The following NTRK2 variants were observed in gnomAD, a reference collection of about 807,000 sequenced individuals.
NTRK2 encodes neurotrophic receptor tyrosine kinase 2.
NTRK2 carries 13 observed loss-of-function variants against 94.5 expected under a neutral mutation model. The ratio of observed to expected loss-of-function variants is 0.14; its 90% CI spans 0.09 to 0.22. NTRK2 has a LOEUF of 0.22. Ranked by LOEUF, NTRK2 falls within the 10% of genes least tolerant of loss-of-function variation. The pLI, the probability that NTRK2 is intolerant of heterozygous loss-of-function variation, is 1.00. For synonymous variants in NTRK2, 372 were observed against 407.4 expected (o/e 0.91, Z 1.05); for missense variants, 639 against 1,071.2 (o/e 0.60, Z 5.63).
intron 18 of NTRK2, among the ~76,000 whole-genome samples, chr9:85,020,685 T>C (rs1460274361): frequency 6.6e-6 from 1 of 152,208 alleles, no homozygotes; most frequent in Non-Finnish European, 1.5e-5. Flanking sequence ...GCAAGTTCTT[T>C]AGTATTGTTC....
At chr9:84,757,149 T>C (rs942589032) in intron 12 of NTRK2, among the ~76,000 whole-genome samples, 2 of 152,216 alleles carry the variant, frequency 1.3e-5, no homozygotes, top group Middle Eastern at 3.4e-3. Flanking sequence ...TGCACCCTCT[T>C]CCTTCTTCTT....
intron 17 of NTRK2, among the ~76,000 whole-genome samples, chr9:84,981,125 G>A (rs1177688332): frequency 1.3e-5 from 2 of 152,150 alleles, no homozygotes; most frequent in African/African-American, 2.4e-5. Flanking sequence ...CTATTGCCCA[G>A]GCTAGAGTAC....
At chr9:84,874,372 T>C (rs1435932153) in intron 14 of NTRK2, 1 of 1,065,242 alleles carries the variant, frequency 9.4e-7, no homozygotes, top group Non-Finnish European at 1.1e-6. Flanking sequence ...GAAGGTTTTC[T>C]CCCTGGGAAA....
intron 14 of NTRK2, among the ~76,000 whole-genome samples, chr9:84,894,673 G>C (rs1360752993): frequency 1.3e-5 from 2 of 152,230 alleles, no homozygotes; most frequent in East Asian, 3.8e-4. Flanking sequence ...AAATCTTACT[G>C]TGAGGACTAA....
chr9:84,861,022 T>G lies in NTRK2; in HGVS notation c.1397-18T>G, dbSNP rs1385042535. The G allele has an allele frequency of 6.2e-7, 1 of 1,612,140 alleles. No individual in the cohort carries two copies. Among genetic ancestry groups the G allele is most frequent in the Non-Finnish European group, 8.5e-7 (1 of 1,178,590 alleles). ...CTTCTCTTTCGAAGTTTATTTTATG[T>G]TTTGTTGTGGTTTTCAGATTTCTCA... On this transcript the variant is annotated intron_variant, in intron 12 of 18. Coordinates refer to ENST00000277120, the MANE Select transcript of NTRK2 (RefSeq NM_006180.6).
rs559183899 is a variant in NTRK2, at chr9:84,713,135, G to A, written c.583+2344G>A. 2.6e-5 allele frequency among the ~76,000 whole-genome samples: 4 copies of A among 152,176 alleles called. No homozygotes were observed. In the East Asian group the frequency reaches 7.7e-4, roughly 29 times the overall value. On this transcript the variant is annotated intron_variant, in intron 6 of 18. Transcript: ENST00000277120. ...TAAAAACTGCTGTCATGGCTTTTGA[G>A]TTTGCATTTTCCTGATTACTATTGA...
intron 9 of NTRK2, among the ~76,000 whole-genome samples, chr9:84,729,195 CTA>C (rs1406307180): frequency 2.0e-5 from 3 of 152,170 alleles, no homozygotes; most frequent in Non-Finnish European, 4.4e-5. Context: ...TGATAAGTTC[CTA>C]TTATTTTGCT....
chr9:84,731,390 C>T (rs866920157), intron 9 of NTRK2, among the ~76,000 whole-genome samples: 3 of 152,040 alleles, frequency 2.0e-5, no homozygotes, highest in South Asian at 2.1e-4. Flanking sequence ...GAGCCATGAT[C>T]GTGCTACTGC....
intron 14 of NTRK2, chr9:84,874,156 G>C: frequency 1.9e-6 from 2 of 1,064,890 alleles, no homozygotes; most frequent in Non-Finnish European, 2.3e-6. Context: ...TTTCGGATTG[G>C]CCACTCTTGC....
intron 6 of NTRK2, among the ~76,000 whole-genome samples, chr9:84,715,448 A>G (rs548085766): frequency 6.6e-6 from 1 of 152,284 alleles, no homozygotes; most frequent in African/African-American, 2.4e-5. Context: ...ATGCCTCACA[A>G]TATTTTTCTA....
At chr9:84,753,886 G>A (rs372563274) in intron 12 of NTRK2, among the ~76,000 whole-genome samples, 3 of 152,164 alleles carry the variant, frequency 2.0e-5, no homozygotes, top group African/African-American at 7.2e-5. Context: ...CTCAGCAAAA[G>A]CTAAGTGGGA....
chr9:84,873,666 GTTA>G (rs1361927009), intron 14 of NTRK2: 201 of 1,055,304 alleles, frequency 1.9e-4, no homozygotes, highest in Non-Finnish European at 2.2e-4. Context: ...TGTAAGCCAT[GTTA>G]TTATAAGCCG....
intron 14 of NTRK2, chr9:84,871,969 A>G: frequency 6.3e-7 from 1 of 1,575,010 alleles, no homozygotes; most frequent in Non-Finnish European, 8.6e-7. Context: ...AACCTAGCCA[A>G]GCAAGAAGTT....
Position 85,022,341 on chromosome 9 carries a change from G to C in NTRK2, c.*904G>C. ...GATGGCTTCCGTGAGACACAAGATG[G>C]CGCATAGTGTGCTCGGACACAGTTT... On this transcript the variant is annotated 3_prime_UTR_variant, in exon 19 of 19. Coordinates refer to ENST00000277120, the MANE Select transcript of NTRK2 (RefSeq NM_006180.6). 4.3e-6 allele frequency: 1 copy of C among 233,212 alleles called. No homozygotes were observed. The highest frequency in any genetic ancestry group is 2.2e-5 in the African/African-American group (1 of 45,474). 14.4% of individuals were successfully genotyped at this position (233,212 alleles called of 1,614,324 possible).
chr9:84,989,303 C>G (rs537257557), intron 17 of NTRK2, among the ~76,000 whole-genome samples: 1 of 152,110 alleles, frequency 6.6e-6, no homozygotes, highest in African/African-American at 2.4e-5. Flanking sequence ...AAATTATGTT[C>G]TTTGCTTCTT....
At chr9:85,017,144 T>C (rs1027023947) in intron 17 of NTRK2, among the ~76,000 whole-genome samples, 1 of 152,114 alleles carries the variant, frequency 6.6e-6, no homozygotes, top group Non-Finnish European at 1.5e-5. Context: ...GAGTGACATA[T>C]GATGATTCTT....
chr9:84,813,045 C>T, intron 12 of NTRK2: 1 of 1,037,704 alleles, frequency 9.6e-7, no homozygotes, highest in Non-Finnish European at 1.2e-6. Context: ...CTTTTTATGT[C>T]TCCCATAAGA....
intron 14 of NTRK2, among the ~76,000 whole-genome samples, chr9:84,914,445 T>C (rs879605837): frequency 2.0e-5 from 3 of 152,222 alleles, no homozygotes; most frequent in Non-Finnish European, 4.4e-5. Flanking sequence ...TGAGATTCTA[T>C]GCTATTTAAA....
intron 14 of NTRK2, among the ~76,000 whole-genome samples, chr9:84,870,331 G>GTGTGTGTGTA (rs1349303529): frequency 1.3e-4 from 4 of 31,178 alleles, no homozygotes; most frequent in African/African-American, 3.5e-4. Context: ...GTGTGTGTGT[G>GTGTGTGTGTA]TATATATATA....
Sources: allele counts gnomAD v4.1 joint callset (sites outside exome capture counted in the v4.1 genomes callset), GRCh38; gene constraint gnomAD v4.1.1; transcripts MANE v1.5; gene names NCBI Gene and HGNC (gene_info 2026-07-23, HGNC 2026-07-21).